Variants in MAST4 observed in about 807,000 individuals in gnomAD.
MAST4 encodes the protein microtubule-associated serine/threonine-protein kinase 4.
In MAST4, 89 loss-of-function variants were observed where a neutral mutation model predicts 162.7. The ratio of observed to expected loss-of-function variants is 0.55; its 90% confidence interval spans 0.46 to 0.65. The LOEUF is 0.65. MAST4 is among the 30% of genes least tolerant of loss of function. The pLI, the probability that MAST4 is intolerant of heterozygous loss-of-function variation, is 0.00. For synonymous variants in MAST4, 1,479 were observed against 1,361.1 expected, an observed-to-expected ratio of 1.09 and a Z score of -1.91; for missense variants, 3,153 against 3,374.0, an observed-to-expected ratio of 0.93 and a Z score of 1.62.
chr5:66,946,431 G>T (rs918506325), intron 4 of MAST4, among the ~76,000 whole-genome samples: 1 of 151,834 alleles, frequency 6.6e-6, no homozygotes, highest in Non-Finnish European at 1.5e-5. Flanking sequence ...TTCATTTACC[G>T]CCTCAGGTAA....
At chr5:66,719,619 A>C (rs140324039) in intron 1 of MAST4, among the ~76,000 whole-genome samples, 2 of 152,262 alleles carry the variant, frequency 1.3e-5, no homozygotes, top group African/African-American at 2.4e-5. Context: ...ATAGGTATAC[A>C]AGTGCCATGA....
chr5:67,139,985 T>G (rs1183724239), intron 19 of MAST4, among the ~76,000 whole-genome samples: 2 of 152,210 alleles, frequency 1.3e-5, no homozygotes, highest in African/African-American at 4.8e-5. Flanking sequence ...AAATGAAGGC[T>G]CTCAGCAGCT....
chr5:66,603,222 A>G (rs1030630187), intron 1 of MAST4, among the ~76,000 whole-genome samples: 3 of 152,342 alleles, frequency 2.0e-5, no homozygotes, highest in Non-Finnish European at 2.9e-5. Context: ...CAGAGCATTC[A>G]TTATGAGGTA....
At chr5:66,883,199 A>C (rs1272833529) in intron 3 of MAST4, among the ~76,000 whole-genome samples, 1 of 152,206 alleles carries the variant, frequency 6.6e-6, no homozygotes, top group African/African-American at 2.4e-5. Flanking sequence ...TGGGGTAAGA[A>C]GGAATCAGCC....
chr5:66,993,929 C>CCG lies in MAST4; in HGVS notation c.675-60474_675-60473insGC, dbSNP rs1554078123. On this transcript the variant is annotated intron_variant, in intron 4 of 28. Transcript: ENST00000403625. The stretch of plus-strand genomic sequence containing the variant: ...AATGGGTGTGCAGAAGACCCCCCCC[C>CCG]CCACCCCACCAAATCTGCATTTCTA... 3.3e-4 allele frequency among the ~76,000 whole-genome samples: 33 copies of CCG among 99,462 alleles called. 1 individual carries two copies. The highest frequency in any genetic ancestry group is 2.2e-4 in the Admixed American group (2 of 9,108). 65.3% of individuals were successfully genotyped at this position (99,462 alleles called of 152,430 possible).
chr5:66,804,044 A>G (rs1176761756), intron 3 of MAST4, among the ~76,000 whole-genome samples: 1 of 152,006 alleles, frequency 6.6e-6, no homozygotes, highest in Non-Finnish European at 1.5e-5. Flanking sequence ...ATTGATGGCC[A>G]TTAATCTTAC....
At chr5:66,934,865 T>G (rs1249296974) in intron 4 of MAST4, among the ~76,000 whole-genome samples, 1 of 152,176 alleles carries the variant, frequency 6.6e-6, no homozygotes, top group Non-Finnish European at 1.5e-5. Flanking sequence ...CCGTCAGTGG[T>G]AACATGGTAC....
In MAST4 at chr5:67,100,572, C is replaced by T. The variant is rs202176865; in HGVS notation, c.1050C>T (p.Arg350=). 6.2e-7 allele frequency: 1 copy of T among 1,613,854 alleles called. No homozygotes were observed. The highest frequency in any genetic ancestry group is 8.5e-7 in the Non-Finnish European group (1 of 1,179,848). ...TENRCRNTPM[R]PRSRSLSPGR... ...ACAGATGCAGGAACACGCCGATGCG[C>T]CCCCGTTCCCGAAGTCTGAGGTGTG... The change falls in exon 8 of 29, where the codon CGC becomes CGT. Residue 350 remains arginine, a synonymous_variant. Coordinates refer to ENST00000403625, the MANE Select transcript of MAST4 (RefSeq NM_001164664.2).
chr5:67,092,888 T>C (rs2548590), intron 6 of MAST4, among the ~76,000 whole-genome samples: 231 of 152,346 alleles, frequency 1.5e-3, no homozygotes, highest in Non-Finnish European at 2.3e-3. Context: ...CTTTCTGTTT[T>C]TATTCATTTG....
At chr5:66,944,197 C>A (rs574999223) in intron 4 of MAST4, among the ~76,000 whole-genome samples, 1 of 152,120 alleles carries the variant, frequency 6.6e-6, no homozygotes. Context: ...GCATCTGTTT[C>A]TAAAATAATG....
At chr5:66,814,362 G>A (rs529823299) in intron 3 of MAST4, among the ~76,000 whole-genome samples, 17 of 152,244 alleles carry the variant, frequency 1.1e-4, no homozygotes, top group African/African-American at 4.1e-4. Context: ...GCATTTTCCT[G>A]TTGTGGGGCT....
chr5:67,093,838 T>G (rs1412136375), intron 6 of MAST4, among the ~76,000 whole-genome samples: 1 of 152,220 alleles, frequency 6.6e-6, no homozygotes, highest in Admixed American at 6.5e-5. Context: ...TGAATAATTC[T>G]TTTAAAATCA....
At chr5:66,825,249 G>A (rs1017699151) in intron 3 of MAST4, among the ~76,000 whole-genome samples, 3 of 139,828 alleles carry the variant, frequency 2.1e-5, no homozygotes, top group African/African-American at 8.1e-5. Flanking sequence ...AACCTTTTTT[G>A]TTAAAAACTA....
chr5:66,986,570 T>C (rs945914249), intron 4 of MAST4: 2 of 674,166 alleles, frequency 3.0e-6, no homozygotes, highest in African/African-American at 2.0e-5. Flanking sequence ...CATATAGACA[T>C]ATATATATTA....
rs577325223 is a variant in MAST4 at position 67,052,174 on chromosome 5, A to G, written c.675-2230A>G. Among the ~76,000 whole-genome samples the G allele has an allele frequency of 3.9e-5, 6 of 152,252 alleles. No homozygotes were observed. In the East Asian group the frequency reaches 5.8e-4, roughly 15 times the overall value. The stretch of plus-strand genomic sequence containing the variant: ...CTTCTTTTAACTTTCTCATGTATTC[A>G]TAGATGAAATAGCCTGTTTTCTTTC... On this transcript the variant is annotated intron_variant, in intron 4 of 28. Transcript: ENST00000403625.
At chr5:66,918,961 G>A (rs1266773444) in intron 4 of MAST4, among the ~76,000 whole-genome samples, 2 of 152,054 alleles carry the variant, frequency 1.3e-5, no homozygotes, top group Non-Finnish European at 2.9e-5. Context: ...AAATTAGCTG[G>A]GCATGGTGGC....
intron 1 of MAST4, among the ~76,000 whole-genome samples, chr5:66,743,791 A>G (rs917388181): frequency 6.6e-6 from 1 of 152,164 alleles, no homozygotes; most frequent in African/African-American, 2.4e-5. Flanking sequence ...TTGGAATTTT[A>G]AAATTTTTTT....
chr5:66,614,717 G>T (rs749489602), intron 1 of MAST4, among the ~76,000 whole-genome samples: 23 of 152,044 alleles, frequency 1.5e-4, no homozygotes, highest in Admixed American at 1.2e-3. Context: ...GAGCCAAAAA[G>T]ACATGGTACT....
chr5:67,058,770 AG>A (rs1365239729), intron 5 of MAST4, among the ~76,000 whole-genome samples: 1 of 152,256 alleles, frequency 6.6e-6, no homozygotes, highest in Non-Finnish European at 1.5e-5. Flanking sequence ...AAAGGAAAGG[AG>A]AAACTGTTAA....
Sources: allele counts gnomAD v4.1 joint callset (sites outside exome capture counted in the v4.1 genomes callset), GRCh38; gene constraint gnomAD v4.1.1; transcripts MANE v1.5; gene names NCBI Gene and HGNC (gene_info 2026-07-23, HGNC 2026-07-21).